CSMD3: variants seen among roughly 807,000 people sequenced by gnomAD.
The protein encoded by CSMD3 is CUB and Sushi multiple domains 3, also known as CUB and sushi domain-containing protein 3.
In CSMD3, 177 loss-of-function variants were observed where a neutral mutation model predicts 435.2. The ratio of observed to expected loss-of-function variants is 0.41; its 90% CI spans 0.36 to 0.46. The LOEUF (loss-of-function observed/expected upper bound fraction) is 0.46. CSMD3 is among the 20% of genes least tolerant of loss of function. CSMD3 has a pLI of 0.34. For synonymous variants in CSMD3, 1,656 were observed against 1,520.5 expected (o/e 1.09, Z -2.07); for missense variants, 4,265 against 4,504.6 (o/e 0.95, Z 1.52).
At chr8:112,830,714 G>T (rs1457552930) in intron 11 of CSMD3, among the ~76,000 whole-genome samples, 2 of 150,784 alleles carry the variant, frequency 1.3e-5, no homozygotes, top group Non-Finnish European at 3.0e-5. Flanking sequence ...ATAACTATTT[G>T]CTACTTTGTT....
intron 35 of CSMD3, among the ~76,000 whole-genome samples, chr8:112,395,096 G>T (rs1187929443): frequency 6.6e-6 from 1 of 152,102 alleles, no homozygotes; most frequent in Admixed American, 6.6e-5. Flanking sequence ...AAAATTAGCA[G>T]ATACGCAATA....
At chr8:112,468,611 T>A (rs1818210898) in intron 32 of CSMD3, among the ~76,000 whole-genome samples, 1 of 152,026 alleles carries the variant, frequency 6.6e-6, no homozygotes, top group Non-Finnish European at 1.5e-5. Context: ...CTATACGAAA[T>A]GAAAAGTAAA....
intron 52 of CSMD3, among the ~76,000 whole-genome samples, chr8:112,303,420 C>T (rs1401023183): frequency 1.3e-5 from 2 of 151,942 alleles, no homozygotes; most frequent in Non-Finnish European, 2.9e-5. Context: ...ATTAGCCAGG[C>T]GTGGTGGCAG....
At chr8:112,983,690 C>T (rs1202691545) in intron 6 of CSMD3, among the ~76,000 whole-genome samples, 1 of 151,276 alleles carries the variant, frequency 6.6e-6, no homozygotes, top group African/African-American at 2.4e-5. Flanking sequence ...GCCATAAGAC[C>T]ATTTAGTGAT....
chr8:113,266,661 T>A (rs1181757332), intron 3 of CSMD3, among the ~76,000 whole-genome samples: 4 of 151,630 alleles, frequency 2.6e-5, no homozygotes, highest in Non-Finnish European at 4.4e-5. Flanking sequence ...TTAGTAGTAG[T>A]AGTGTTATTA....
At chr8:113,269,914 A>C (rs2093506396) in intron 3 of CSMD3, among the ~76,000 whole-genome samples, 2 of 151,898 alleles carry the variant, frequency 1.3e-5, no homozygotes, top group African/African-American at 4.8e-5. Flanking sequence ...CAAGGACTTC[A>C]TGTCTAAAAC....
intron 31 of CSMD3, among the ~76,000 whole-genome samples, chr8:112,486,439 C>T (rs919816730): frequency 1.3e-5 from 2 of 151,966 alleles, no homozygotes; most frequent in South Asian, 2.1e-4. Flanking sequence ...TATTAATAGT[C>T]TCTACTTCAT....
At position 112,992,969 on chromosome 8, in the gene CSMD3, T is replaced by C. The variant is rs141519904; in HGVS notation, c.1031-16821A>G. On this transcript the variant is annotated intron_variant, in intron 6 of 70. Coordinates refer to ENST00000297405, the MANE Select transcript of CSMD3 (RefSeq NM_198123.2). Reference sequence around the variant, plus strand: ...CAAGATCATCCCAAAGATGAAAAAGTTTGAAAATCACTATTACAGAGCTTC... The same window carrying C: ...CAAGATCATCCCAAAGATGAAAAAGCTTGAAAATCACTATTACAGAGCTTC... Among the ~76,000 whole-genome samples the C allele has an allele frequency of 4.6e-5, 7 of 151,848 alleles. No homozygotes were observed. The East Asian group carries it at 1.4e-3, about 29-fold the overall frequency.
intron 32 of CSMD3, among the ~76,000 whole-genome samples, chr8:112,462,520 A>G (rs891176467): frequency 2.0e-5 from 3 of 152,226 alleles, no homozygotes; most frequent in African/African-American, 7.2e-5. Context: ...TGAATAGATA[A>G]CCATCATATG....
At chr8:112,649,059 C>A (rs1265870001) in intron 19 of CSMD3, among the ~76,000 whole-genome samples, 1 of 152,208 alleles carries the variant, frequency 6.6e-6, no homozygotes, top group African/African-American at 2.4e-5. Context: ...AGAGTGTATA[C>A]ACTACTGTCA....
At chr8:112,241,235 T>C (rs1431765839) in intron 66 of CSMD3, among the ~76,000 whole-genome samples, 1 of 152,034 alleles carries the variant, frequency 6.6e-6, no homozygotes, top group Non-Finnish European at 1.5e-5. Flanking sequence ...ATGAGATACA[T>C]CAAGGTTGTA....
intron 13 of CSMD3, among the ~76,000 whole-genome samples, chr8:112,766,624 T>C (rs1245630109): frequency 6.6e-6 from 1 of 151,842 alleles, no homozygotes; most frequent in Non-Finnish European, 1.5e-5. Flanking sequence ...TATAATTCAG[T>C]GGACAATAAA....
Position 112,550,842 on chromosome 8 carries a change from A to T in CSMD3, c.4393T>A (p.Ser1465Thr), listed in dbSNP as rs1827616992. Reference protein sequence around the residue: ...LQFLAFDTEASHDILRVWDGP... With the variant: ...LQFLAFDTEATHDILRVWDGP... ...TCCCAGACTCGGAGTATATCATGTG[A>T]TGCTTCCGTATCAAAAGCAAGAAAC... Residue 1465 changes from serine (S) to threonine (T), a missense_variant, in exon 27 of 71, where the codon TCA (serine) becomes ACA (threonine). By Grantham distance (58) the Ser-to-Thr change is moderately conservative (BLOSUM62 1). Coordinates refer to ENST00000297405, the MANE Select transcript of CSMD3 (RefSeq NM_198123.2). The T allele has an allele frequency of 6.2e-7, 1 of 1,612,124 alleles. No homozygotes were observed. The highest frequency in any genetic ancestry group is 1.7e-5 in the Admixed American group (1 of 59,858).
chr8:113,124,462 T>A (rs1369210121), intron 4 of CSMD3, among the ~76,000 whole-genome samples: 1 of 145,246 alleles, frequency 6.9e-6, no homozygotes, highest in Non-Finnish European at 1.5e-5. Context: ...TTTCTCATTA[T>A]ATTTCTTAAA....
chr8:112,624,225 T>C (rs2131530105), intron 22 of CSMD3, among the ~76,000 whole-genome samples: 1 of 152,212 alleles, frequency 6.6e-6, no homozygotes, highest in Admixed American at 6.6e-5. Flanking sequence ...GAAAGGTTTC[T>C]TAAAAGCTTT....
intron 1 of CSMD3, among the ~76,000 whole-genome samples, chr8:113,419,900 G>A (rs1020208839): frequency 6.6e-6 from 1 of 151,700 alleles, no homozygotes; most frequent in Non-Finnish European, 1.5e-5. Flanking sequence ...AAAAGCAGAG[G>A]CTCTTTAAAT....
At chr8:112,713,474 G>GA (rs1205948602) in intron 13 of CSMD3, among the ~76,000 whole-genome samples, 2 of 151,330 alleles carry the variant, frequency 1.3e-5, no homozygotes, top group African/African-American at 4.9e-5. Context: ...AAGAGATGGG[G>GA]AGAATGGAAC....
At chr8:112,868,535 A>G (rs1405024520) in intron 10 of CSMD3, among the ~76,000 whole-genome samples, 1 of 152,176 alleles carries the variant, frequency 6.6e-6, no homozygotes, top group African/African-American at 2.4e-5. Context: ...AATGGCTACA[A>G]TGTCACTAGG....
At chr8:112,949,564 T>C (rs1412990743) in intron 8 of CSMD3, among the ~76,000 whole-genome samples, 2 of 152,030 alleles carry the variant, frequency 1.3e-5, no homozygotes, top group African/African-American at 4.8e-5. Context: ...CCTTTCTCAA[T>C]CTTTCAATGG....
Sources: allele counts gnomAD v4.1 joint callset (sites outside exome capture counted in the v4.1 genomes callset), GRCh38; gene constraint gnomAD v4.1.1; transcripts MANE v1.5; gene names NCBI Gene and HGNC (gene_info 2026-07-23, HGNC 2026-07-21).